APIP: variants seen among roughly 807,000 people sequenced by gnomAD.
APIP encodes the protein methylthioribulose-1-phosphate dehydratase.
Under a neutral mutation model 32.0 loss-of-function variants are expected in APIP, and 32 were observed. The observed-to-expected ratio is 1.00, with a 90% CI of 0.76 to 1.34. The LOEUF is 1.34. Among genes scored for constraint, APIP ranks in the 40% most tolerant of loss-of-function variants. The pLI is 0.00. For missense variants in APIP, 247 were observed against 298.6 expected (o/e 0.83, Z 1.27); for synonymous variants, 92 against 94.8 (o/e 0.97, Z 0.17).
intron 4 of APIP, 141 bp from the exon 5 acceptor site, chr11:34,888,569 C>G: frequency 7.6e-7 from 1 of 1,309,170 alleles, no homozygotes; most frequent in African/African-American, 1.5e-5. Flanking sequence ...TGGTAGTAGG[C>G]AGGAGGGTAA....
At chr11:34,905,051 T>C (rs1214204354) in intron 1 of APIP, among the ~76,000 whole-genome samples, 1 of 152,210 alleles carries the variant, frequency 6.6e-6, no homozygotes, top group South Asian at 2.1e-4. Flanking sequence ...CTTGCAGGAA[T>C]TGTTTTACTC....
intron 1 of APIP, among the ~76,000 whole-genome samples, chr11:34,914,499 CCAGA>C (rs973901078): frequency 2.0e-5 from 3 of 152,044 alleles, no homozygotes; most frequent in African/African-American, 4.8e-5. Flanking sequence ...TTGTACAAAA[CCAGA>C]CAAATACAAA....
chr11:34,902,190 T>C (rs746954447), intron 1 of APIP, among the ~76,000 whole-genome samples: 28 of 152,210 alleles, frequency 1.8e-4, no homozygotes, highest in Non-Finnish European at 3.4e-4. Context: ...TCAACACCTG[T>C]TTGCCTTTGA....
Position 34,895,124 on chromosome 11 carries a change from T to C in APIP, c.58-14A>G. 1 of 1,596,540 alleles carries C rather than the reference T, an allele frequency of 6.3e-7. No homozygotes were observed. Among genetic ancestry groups the C allele is most frequent in the East Asian group, 2.2e-5 (1 of 44,816 alleles). On this transcript the variant is annotated splice_polypyrimidine_tract_variant and intron_variant, in intron 1 of 6. Transcript: ENST00000395787. ...ATGCTCCTTGTCCTTAAAAAGAAGGTAATGATTTTTAAAACAGACATCATT... is the reference window on the plus strand; with the variant it reads ...ATGCTCCTTGTCCTTAAAAAGAAGGCAATGATTTTTAAAACAGACATCATT...
chr11:34,889,203 A>G (rs1013968126), intron 3 of APIP, among the ~76,000 whole-genome samples: 11 of 152,240 alleles, frequency 7.2e-5, no homozygotes, highest in Admixed American at 2.0e-4. Context: ...GAAAATTACT[A>G]TTTATGTAAT....
At chr11:34,894,724 A>G (rs1853238839) in intron 2 of APIP, among the ~76,000 whole-genome samples, 1 of 152,178 alleles carries the variant, frequency 6.6e-6, no homozygotes, top group Non-Finnish European at 1.5e-5. Context: ...CAGGTATATG[A>G]ACATACTTGG....
chr11:34,882,912 T>A, intron 6 of APIP, 96 bp from the exon 7 acceptor site: 1 of 863,686 alleles, frequency 1.2e-6, no homozygotes, highest in Non-Finnish European at 1.8e-6. Flanking sequence ...TTAACTCTGC[T>A]TTGTTCCTAG....
chr11:34,893,590 T>C (rs916293414), intron 2 of APIP, among the ~76,000 whole-genome samples: 1 of 152,194 alleles, frequency 6.6e-6, no homozygotes. Flanking sequence ...CATTAGCAAC[T>C]AGGCTGATGG....
intron 1 of APIP, among the ~76,000 whole-genome samples, chr11:34,914,997 G>A (rs1345149424): frequency 3.4e-5 from 2 of 58,764 alleles, no homozygotes; most frequent in African/African-American, 1.6e-4. Flanking sequence ...AGAGCAAAAC[G>A]TGTCAAAAAA....
rs145108137 is a variant in APIP at position 34,899,516 on chromosome 11, A to G, written c.58-4406T>C. Reference sequence around the variant, plus strand: ...ACCGGAACCATTTTTCTAAGGGTAAATGCTTTAGCATGGGCCATAATAGCA... The same window carrying G: ...ACCGGAACCATTTTTCTAAGGGTAAGTGCTTTAGCATGGGCCATAATAGCA... On this transcript the variant is annotated intron_variant, in intron 1 of 6. Transcript: ENST00000395787. 1.2e-4 allele frequency among the ~76,000 whole-genome samples: 18 copies of G among 152,320 alleles called. No homozygotes were observed. In the East Asian group the frequency reaches 3.3e-3, roughly 28 times the overall value.
intron 5 of APIP, among the ~76,000 whole-genome samples, chr11:34,887,331 G>C (rs2956093): frequency 0.6 from 91,212 of 151,860 alleles, 28,412 homozygotes; most frequent in East Asian, 0.74. Context: ...TACCCATAAG[G>C]CCTCTCCTTC....
intron 1 of APIP, among the ~76,000 whole-genome samples, chr11:34,903,626 GA>G (rs1411256786): frequency 6.6e-6 from 1 of 152,194 alleles, no homozygotes; most frequent in East Asian, 1.9e-4. Context: ...CATCAAAAGG[GA>G]ACAGATGAGG....
chr11:34,894,467 CAAAAAAAAA>C, intron 2 of APIP, among the ~76,000 whole-genome samples: 1 of 86,220 alleles, frequency 1.2e-5, no homozygotes, highest in African/African-American at 4.8e-5. Context: ...CCAGTCTCTA[CAAAAAAAAA>C]AAAAAAAAAA....
In APIP at chr11:34,888,845, T is replaced by A; in HGVS notation, c.232A>T (p.Ile78Leu). 1 of 1,499,900 alleles carries A rather than the reference T, an allele frequency of 6.7e-7. No homozygotes were observed. Among genetic ancestry groups the A allele is most frequent in the Non-Finnish European group, 8.8e-7 (1 of 1,134,916 alleles). 92.9% of individuals were successfully genotyped at this position (1,499,900 alleles called of 1,614,324 possible). The change falls in exon 4 of 7, where the codon ATA becomes TTA. Residue 78 changes from isoleucine to leucine, a missense_variant. Physicochemically the swap from Ile to Leu is conservative, Grantham distance 5. Coordinates refer to ENST00000395787, the MANE Select transcript of APIP (RefSeq NM_015957.4). Reference protein sequence around the residue: ...IQPEDMFVCDINEKDISGPSP... With the variant: ...IQPEDMFVCDLNEKDISGPSP... ...GGTCCACTTATGTCCTTTTCATTTA[T>A]ATCACAAACAAACATGTCTTCAGGC...
chr11:34,904,176 A>G (rs907740846), intron 1 of APIP, among the ~76,000 whole-genome samples: 6 of 152,202 alleles, frequency 3.9e-5, no homozygotes, highest in Admixed American at 2.6e-4. Flanking sequence ...AAGCATTTCC[A>G]TGCCATCCAC....
At chr11:34,904,731 T>C (rs1271396635) in intron 1 of APIP, among the ~76,000 whole-genome samples, 4 of 152,148 alleles carry the variant, frequency 2.6e-5, no homozygotes, top group Admixed American at 6.5e-5. Context: ...GGAAGGACCT[T>C]ACACTGTTCT....
intron 1 of APIP, 120 bp from the exon 2 acceptor site, chr11:34,895,230 T>A (rs1853248471): frequency 1.2e-6 from 1 of 815,062 alleles, no homozygotes; most frequent in Non-Finnish European, 2.0e-6. Flanking sequence ...ATAGAAAGAG[T>A]ACAGTGAAGG....
intron 1 of APIP, among the ~76,000 whole-genome samples, chr11:34,915,229 A>G (rs1853650631): frequency 6.6e-6 from 1 of 152,188 alleles, no homozygotes; most frequent in Non-Finnish European, 1.5e-5. Context: ...ACACTTGCCC[A>G]GGAACGATCT....
intron 1 of APIP, among the ~76,000 whole-genome samples, chr11:34,906,085 A>G (rs1853447582): frequency 6.6e-6 from 1 of 152,224 alleles, no homozygotes; most frequent in Non-Finnish European, 1.5e-5. Flanking sequence ...TAAAGAAGGG[A>G]AACTTCTAAG....
Sources: gnomAD v4.1 joint callset for allele counts (sites outside exome capture counted in the v4.1 genomes callset) on GRCh38, gnomAD v4.1.1 for gene constraint, MANE v1.5 for transcripts, NCBI Gene and HGNC (gene_info 2026-07-23, HGNC 2026-07-21) for gene names.